Variants in RGS6 observed in about 807,000 individuals in gnomAD.
The protein encoded by RGS6 is regulator of G protein signaling 6, also known as regulator of G-protein signaling 6.
Under a neutral mutation model 78.5 loss-of-function variants are expected in RGS6, and 30 were observed. The observed-to-expected ratio is 0.38, with a 90% confidence interval of 0.29 to 0.52. RGS6 has a LOEUF of 0.52. Ranked by LOEUF, RGS6 falls within the 20% of genes least tolerant of loss-of-function variation. The probability of loss-of-function intolerance (pLI) is 0.85; values close to 1 mark genes in which losing one functional copy is unlikely to be tolerated. For synonymous variants in RGS6, 206 were observed against 206.0 expected (o/e 1.00, Z 0.00); for missense variants, 495 against 609.7 (o/e 0.81, Z 1.98).
chr14:72,391,228 C>A (rs1488484462), intron 3 of RGS6, among the ~76,000 whole-genome samples: 1 of 148,386 alleles, frequency 6.7e-6, no homozygotes, highest in Non-Finnish European at 1.5e-5. Flanking sequence ...TTTCCAAATT[C>A]TCCTTCTACT....
Position 72,474,703 on chromosome 14 carries a change from C to T in RGS6, c.693+4C>T, listed in dbSNP as rs562667780. On this transcript the variant is annotated splice_donor_region_variant and intron_variant, in intron 10 of 17. Coordinates refer to ENST00000553525, the MANE Select transcript of RGS6 (RefSeq NM_001204424.2). ...GAATCCACAAAAGGTTAAAAAGGTT[C>T]GCTAGTTTAGCTGAGTTAAAAATTC... 27 of 1,612,402 alleles carry T rather than the reference C, an allele frequency of 1.7e-5. No homozygotes were observed. The highest frequency in any genetic ancestry group is 2.2e-5 in the East Asian group (1 of 44,826).
intron 2 of RGS6, among the ~76,000 whole-genome samples, chr14:72,004,879 C>G (rs1242239037): frequency 6.6e-6 from 1 of 152,178 alleles, no homozygotes; most frequent in Non-Finnish European, 1.5e-5. Flanking sequence ...TTCTGATCCT[C>G]TTGGTATGTC....
chr14:71,971,941 G>A (rs1392966328), intron 2 of RGS6, among the ~76,000 whole-genome samples: 2 of 126,596 alleles, frequency 1.6e-5, no homozygotes, highest in Middle Eastern at 5.1e-3. Context: ...TTTTATCAGA[G>A]TGACAACAGG....
At chr14:72,457,704 C>G (rs939641104) in intron 4 of RGS6, among the ~76,000 whole-genome samples, 3 of 152,208 alleles carry the variant, frequency 2.0e-5, no homozygotes, top group African/African-American at 7.2e-5. Context: ...TCACTGCCCA[C>G]TTCAGTGTCC....
intron 2 of RGS6, among the ~76,000 whole-genome samples, chr14:72,202,363 G>A (rs1034448067): frequency 1.3e-5 from 2 of 152,024 alleles, no homozygotes; most frequent in African/African-American, 4.8e-5. Flanking sequence ...AGCATATATA[G>A]TGCATTTCAG....
chr14:72,278,396 C>G (rs2061038589), intron 2 of RGS6, among the ~76,000 whole-genome samples: 1 of 152,128 alleles, frequency 6.6e-6, no homozygotes, highest in Non-Finnish European at 1.5e-5. Flanking sequence ...CTTAGCTGAC[C>G]TCACTTTGCT....
At chr14:72,034,980 GC>G (rs1755626777) in intron 2 of RGS6, among the ~76,000 whole-genome samples, 1 of 152,250 alleles carries the variant, frequency 6.6e-6, no homozygotes, top group East Asian at 1.9e-4. Context: ...ATTCTGAGTA[GC>G]ATGATAAAAT....
At position 72,064,565 on chromosome 14, in the gene RGS6, C is replaced by T. The variant is rs139603758; in HGVS notation, c.84+99690C>T. ...CTGTGTCTTCACCCACAAAAGGAGACGTGTGAGAAGTGAATACTTAGTGAT... is the reference window on the plus strand; with the variant it reads ...CTGTGTCTTCACCCACAAAAGGAGATGTGTGAGAAGTGAATACTTAGTGAT... On this transcript the variant is annotated intron_variant, in intron 2 of 17. Coordinates refer to ENST00000553525, the MANE Select transcript of RGS6 (RefSeq NM_001204424.2). Among the ~76,000 whole-genome samples the T allele has an allele frequency of 4.6e-5, 7 of 152,270 alleles. No individual in the cohort carries two copies. In the East Asian group the frequency reaches 5.8e-4, roughly 13 times the overall value.
chr14:72,173,417 A>G (rs2097055866), intron 2 of RGS6, among the ~76,000 whole-genome samples: 1 of 152,172 alleles, frequency 6.6e-6, no homozygotes, highest in Non-Finnish European at 1.5e-5. Flanking sequence ...TTTCTGGCCC[A>G]TGAGAGCCTA....
intron 3 of RGS6, among the ~76,000 whole-genome samples, chr14:72,450,127 TTAAA>T (rs1271431954): frequency 1.3e-5 from 2 of 151,602 alleles, no homozygotes; most frequent in African/African-American, 2.4e-5. Flanking sequence ...AGTTAACAAT[TTAAA>T]TATATATCCA....
At chr14:72,195,965 C>T (rs937447363) in intron 2 of RGS6, among the ~76,000 whole-genome samples, 4 of 152,096 alleles carry the variant, frequency 2.6e-5, no homozygotes, top group Non-Finnish European at 1.5e-5. Flanking sequence ...AGTTTTTCAG[C>T]AGGAGAGTGA....
chr14:72,566,582 T>A, downstream of RGS6: 1 of 151,942 alleles, frequency 6.6e-6, no homozygotes, highest in Non-Finnish European at 1.5e-5. Context: ...AGGATGTACC[T>A]CTAGAAAAAT....
At chr14:72,518,086 C>G (rs1054040284) in intron 14 of RGS6, among the ~76,000 whole-genome samples, 32 of 152,202 alleles carry the variant, frequency 2.1e-4, no homozygotes, top group Non-Finnish European at 4.1e-4. Context: ...GGTTGAGAAA[C>G]CTTCATGTAG....
At chr14:72,279,953 C>G (rs2061311132) in intron 2 of RGS6, among the ~76,000 whole-genome samples, 1 of 152,202 alleles carries the variant, frequency 6.6e-6, no homozygotes, top group Non-Finnish European at 1.5e-5. Flanking sequence ...AAGAGAACAT[C>G]AGTAGGAACT....
intron 2 of RGS6, among the ~76,000 whole-genome samples, chr14:72,081,252 CT>C (rs915226091): frequency 6.6e-6 from 1 of 151,852 alleles, no homozygotes; most frequent in Non-Finnish European, 1.5e-5. Flanking sequence ...CCCCTAAGTA[CT>C]TTATTTATTT....
chr14:72,509,445 C>A (rs1385316904), intron 13 of RGS6, among the ~76,000 whole-genome samples: 1 of 151,956 alleles, frequency 6.6e-6, no homozygotes, highest in African/African-American at 2.4e-5. Context: ...TACTTCCTAG[C>A]TGTGTATTCT....
At chr14:72,543,489 A>G (rs1436252247) in intron 17 of RGS6, among the ~76,000 whole-genome samples, 1 of 152,198 alleles carries the variant, frequency 6.6e-6, no homozygotes, top group Admixed American at 6.5e-5. Flanking sequence ...TGGCTGTAAC[A>G]TATGAAAACC....
chr14:72,112,651 T>A (rs977316189), intron 2 of RGS6, among the ~76,000 whole-genome samples: 2 of 152,212 alleles, frequency 1.3e-5, no homozygotes, highest in Non-Finnish European at 2.9e-5. Flanking sequence ...TTAGTCCTCC[T>A]AATAGTCCTA....
chr14:72,078,021 A>G (rs936054801), intron 2 of RGS6, among the ~76,000 whole-genome samples: 2 of 152,076 alleles, frequency 1.3e-5, no homozygotes, highest in African/African-American at 4.8e-5. Flanking sequence ...TCTTAGTGGT[A>G]TGGTTTGGAT....
Sources: gnomAD v4.1 joint callset for allele counts (sites outside exome capture counted in the v4.1 genomes callset) on GRCh38, gnomAD v4.1.1 for gene constraint, MANE v1.5 for transcripts, NCBI Gene and HGNC (gene_info 2026-07-23, HGNC 2026-07-21) for gene names.